Variants in TNIK observed in about 807,000 individuals in gnomAD.
TNIK encodes TRAF2 and NCK interacting kinase.
Under a neutral mutation model 191.3 loss-of-function variants are expected in TNIK, and 49 were observed. That is an observed-to-expected ratio of 0.26 (90% CI 0.20 to 0.32). TNIK has a LOEUF of 0.32. TNIK is among the 10% of genes least tolerant of loss of function. The probability of loss-of-function intolerance (pLI) is 1.00; values close to 1 mark genes in which losing one functional copy is unlikely to be tolerated. For missense variants in TNIK, 1,155 were observed against 1,702.3 expected (o/e 0.68, Z 5.66); for synonymous variants, 594 against 600.9 (o/e 0.99, Z 0.17).
intron 10 of TNIK, among the ~76,000 whole-genome samples, chr3:171,161,906 C>T (rs962692359): frequency 2.6e-5 from 4 of 151,706 alleles, no homozygotes; most frequent in Admixed American, 6.6e-5. Context: ...GGCGACAGAG[C>T]GAGGCCCTGT....
intron 2 of TNIK, among the ~76,000 whole-genome samples, chr3:171,236,526 G>A (rs1483435393): frequency 6.6e-6 from 1 of 152,136 alleles, no homozygotes; most frequent in East Asian, 1.9e-4. Flanking sequence ...AAAGGGTCAG[G>A]GAGAGAAAGA....
chr3:171,369,632 C>A lies in TNIK; in HGVS notation c.111G>T (p.Gly37=). The change falls in exon 2 of 33, where the codon GGG becomes GGT. Residue 37 remains glycine (G), a synonymous_variant. Coordinates refer to ENST00000436636, the MANE Select transcript of TNIK (RefSeq NM_015028.4). Reference sequence around the variant, plus strand: ...TCAATGTACTTACCTTATAAACTTGCCCGTATGTTCCATTTCCAACAAGTT... The same window carrying A: ...TCAATGTACTTACCTTATAAACTTGACCGTATGTTCCATTTCCAACAAGTT... ...LVELVGNGTY[G]QVYKGRHVKT... is the part of the protein sequence containing the mutation. The A allele has an allele frequency of 6.3e-7, 1 of 1,576,866 alleles. No homozygotes were observed. The highest frequency in any genetic ancestry group is 8.6e-7 in the Non-Finnish European group (1 of 1,160,146).
At chr3:171,262,932 C>T (rs2109137823) in intron 2 of TNIK, among the ~76,000 whole-genome samples, 1 of 152,234 alleles carries the variant, frequency 6.6e-6, no homozygotes, top group East Asian at 1.9e-4. Flanking sequence ...GGAAAATTTT[C>T]CCTTCTGATG....
intron 2 of TNIK, among the ~76,000 whole-genome samples, chr3:171,271,636 A>G (rs1337085667): frequency 6.6e-6 from 1 of 152,218 alleles, no homozygotes; most frequent in African/African-American, 2.4e-5. Context: ...AAGCTATTTT[A>G]TTAAAATATT....
chr3:171,084,378 G>A, intron 25 of TNIK, 53 bp from the exon 26 acceptor site: 3 of 1,563,758 alleles, frequency 1.9e-6, no homozygotes, highest in Non-Finnish European at 2.6e-6. Flanking sequence ...ATAACTTATG[G>A]AGATGGGGCT....
chr3:171,333,042 A>G (rs62281613), intron 2 of TNIK, among the ~76,000 whole-genome samples: 45,653 of 151,958 alleles, frequency 0.3, 6,951 homozygotes, highest in Non-Finnish European at 0.32. Context: ...CCAAAAGCAC[A>G]GTGATGTTCT....
chr3:171,342,621 T>G (rs1757650759), intron 2 of TNIK, among the ~76,000 whole-genome samples: 1 of 152,140 alleles, frequency 6.6e-6, no homozygotes, highest in African/African-American at 2.4e-5. Context: ...TACATAAGGT[T>G]GTATTAGAAT....
intron 2 of TNIK, among the ~76,000 whole-genome samples, chr3:171,278,329 T>C (rs1750015080): frequency 6.6e-6 from 1 of 152,178 alleles, no homozygotes; most frequent in Non-Finnish European, 1.5e-5. Flanking sequence ...AAGAGCAGCC[T>C]TTACATGCTC....
chr3:171,411,496 A>T (rs1271245450), intron 1 of TNIK, among the ~76,000 whole-genome samples: 1 of 145,008 alleles, frequency 6.9e-6, no homozygotes, highest in African/African-American at 2.7e-5. Flanking sequence ...TCATCTGGGT[A>T]AAAAAAAAAG....
chr3:171,302,341 G>GT (rs11440103), intron 2 of TNIK, among the ~76,000 whole-genome samples: 63,576 of 152,054 alleles, frequency 0.42, 13,807 homozygotes, highest in Non-Finnish European at 0.47. Context: ...AGATTTGTCT[G>GT]TTTAGTGTAT....
At chr3:171,090,377 C>T (rs900049899) in intron 23 of TNIK, among the ~76,000 whole-genome samples, 3 of 152,062 alleles carry the variant, frequency 2.0e-5, no homozygotes, top group African/African-American at 7.2e-5. Context: ...CTGATACCTA[C>T]CCTCTCCCGA....
chr3:171,246,400 A>T (rs1160969165), intron 2 of TNIK, among the ~76,000 whole-genome samples: 2 of 152,228 alleles, frequency 1.3e-5, no homozygotes, highest in African/African-American at 4.8e-5. Context: ...TGTAGCTGGT[A>T]AATGAAAAAT....
intron 1 of TNIK, 48 bp from the exon 2 acceptor site, chr3:171,369,733 C>T (rs1716234848): frequency 6.8e-7 from 1 of 1,462,366 alleles, no homozygotes. Context: ...ATATTCCAGG[C>T]ATTGCCTTAA....
At chr3:171,188,884 G>A in intron 6 of TNIK, 52 bp from the exon 7 acceptor site, 1 of 1,581,600 alleles carries the variant, frequency 6.3e-7, no homozygotes, top group Non-Finnish European at 8.6e-7. Flanking sequence ...GTTTTAGATA[G>A]CGATAAAATG....
chr3:171,342,998 C>A (rs1437504600), intron 2 of TNIK, among the ~76,000 whole-genome samples: 4 of 152,230 alleles, frequency 2.6e-5, no homozygotes, highest in Non-Finnish European at 2.9e-5. Context: ...TCCTCCTTTG[C>A]CTTCCACCAT....
In TNIK at chr3:171,312,113, T is replaced by TAAAAA. The variant is rs5854415; in HGVS notation, c.123+57502_123+57506dup. On this transcript the variant is annotated intron_variant, in intron 2 of 32. Coordinates refer to ENST00000436636, the MANE Select transcript of TNIK (RefSeq NM_015028.4). ...GCTGTCCCTAACGGCAGCTCCAGAT[T>TAAAAA]AAAAAAAAAAAAAAAAAAAAAAAAA... Among the ~76,000 whole-genome samples the TAAAAA allele has an allele frequency of 1.1e-3, 24 of 22,550 alleles. 9 individuals are homozygous for TAAAAA. Among genetic ancestry groups the TAAAAA allele is most frequent in the Admixed American group, 1.5e-3 (2 of 1,310 alleles). The allele number at this position is 22,550 out of a possible 152,430, so 14.8% of individuals were successfully genotyped here. A position where few individuals can be genotyped will look rare whatever the true frequency, so the allele number is the denominator to read the frequency against.
intron 2 of TNIK, among the ~76,000 whole-genome samples, chr3:171,250,803 A>G (rs962658088): frequency 1.3e-5 from 2 of 152,224 alleles, no homozygotes; most frequent in African/African-American, 4.8e-5. Flanking sequence ...GTGCTCTAAA[A>G]ATGCTACAAA....
intron 2 of TNIK, among the ~76,000 whole-genome samples, chr3:171,336,727 TACCA>T (rs1236459393): frequency 2.0e-5 from 3 of 152,152 alleles, no homozygotes; most frequent in African/African-American, 7.2e-5. Flanking sequence ...TGTGGGTACT[TACCA>T]ACCAACAGTG....
chr3:171,386,141 A>G (rs1718699832), intron 1 of TNIK, among the ~76,000 whole-genome samples: 1 of 152,224 alleles, frequency 6.6e-6, no homozygotes, highest in African/African-American at 2.4e-5. Flanking sequence ...ATGCTGGTTA[A>G]GTAAATAATT....
Sources: gnomAD v4.1 joint callset for allele counts (sites outside exome capture counted in the v4.1 genomes callset) on GRCh38, gnomAD v4.1.1 for gene constraint, MANE v1.5 for transcripts, NCBI Gene and HGNC (gene_info 2026-07-23, HGNC 2026-07-21) for gene names.